Variants in BICC1 observed in about 807,000 individuals in gnomAD.
BICC1 encodes protein bicaudal C homolog 1.
Under a neutral mutation model 111.0 loss-of-function variants are expected in BICC1, and 43 were observed. The ratio of observed to expected loss-of-function variants is 0.39; its 90% CI spans 0.30 to 0.50. The LOEUF (loss-of-function observed/expected upper bound fraction) is 0.50, where lower values mean the gene tolerates loss of function less well. Ranked by LOEUF, BICC1 falls within the 20% of genes least tolerant of loss-of-function variation. The pLI, the probability that BICC1 is intolerant of heterozygous loss-of-function variation, is 0.88. For synonymous variants in BICC1, 467 were observed against 434.4 expected, an observed-to-expected ratio of 1.07 and a Z score of -0.93; for missense variants, 1,091 against 1,203.2, an observed-to-expected ratio of 0.91 and a Z score of 1.38.
At chr10:58,805,509 A>G (rs1356867142) in intron 15 of BICC1, among the ~76,000 whole-genome samples, 1 of 152,228 alleles carries the variant, frequency 6.6e-6, no homozygotes, top group Non-Finnish European at 1.5e-5. Flanking sequence ...ATGCCATTTT[A>G]GTCCTAGGAT....
chr10:58,688,775 A>C (rs1839827263), intron 2 of BICC1, among the ~76,000 whole-genome samples: 1 of 152,154 alleles, frequency 6.6e-6, no homozygotes, highest in South Asian at 2.1e-4. Context: ...GAAACTACAC[A>C]GGAACATAAA....
At chr10:58,677,935 C>A (rs1358996631) in intron 2 of BICC1, among the ~76,000 whole-genome samples, 1 of 152,098 alleles carries the variant, frequency 6.6e-6, no homozygotes, top group Non-Finnish European at 1.5e-5. Context: ...TCGTATCCAG[C>A]CAAACTAAGC....
Position 58,828,784 on chromosome 10 carries a change from CT to C in BICC1, c.2823del (p.Phe941LeufsTer44), listed in dbSNP as rs1844472392. ...ISELNKNRRK[L>X]FESPNARTSF... ...AGAACTAAATAAAAACCGAAGAAAG[CT>C]TTTTGAATCGCCAAATGCACGCACC... On this transcript the variant is annotated frameshift_variant, in exon 21 of 21. Transcript: ENST00000373886. LOFTEE classifies it high-confidence loss of function. The C allele has an allele frequency of 6.2e-7, 1 of 1,613,528 alleles. No homozygotes were observed. The highest frequency in any genetic ancestry group is 8.5e-7 in the Non-Finnish European group (1 of 1,179,738).
At chr10:58,729,562 C>T (rs1281192809) in intron 3 of BICC1, among the ~76,000 whole-genome samples, 1 of 152,140 alleles carries the variant, frequency 6.6e-6, no homozygotes, top group Non-Finnish European at 1.5e-5. Context: ...TAAAGAAATA[C>T]CTGAGACTGG....
intron 10 of BICC1, among the ~76,000 whole-genome samples, chr10:58,797,314 C>G (rs547394779): frequency 1.3e-5 from 2 of 152,198 alleles, no homozygotes; most frequent in Non-Finnish European, 2.9e-5. Flanking sequence ...AAAGAATACT[C>G]TCAGCAGTCT....
intron 3 of BICC1, among the ~76,000 whole-genome samples, chr10:58,755,451 A>G (rs987912533): frequency 7.2e-5 from 11 of 152,186 alleles, no homozygotes; most frequent in African/African-American, 2.7e-4. Flanking sequence ...GTTGGATTTC[A>G]CATTACAGTA....
At chr10:58,577,290 G>A (rs369152805) in intron 1 of BICC1, among the ~76,000 whole-genome samples, 20 of 152,280 alleles carry the variant, frequency 1.3e-4, no homozygotes, top group African/African-American at 4.8e-4. Flanking sequence ...ATTTGTTTAA[G>A]GGCACCAACT....
chr10:58,712,227 A>C (rs769913659), intron 3 of BICC1, among the ~76,000 whole-genome samples: 1 of 152,230 alleles, frequency 6.6e-6, no homozygotes, highest in East Asian at 1.9e-4. Flanking sequence ...GTGGAGCCAT[A>C]GGAACTCTCA....
intron 1 of BICC1, among the ~76,000 whole-genome samples, chr10:58,607,629 C>T (rs967082744): frequency 2.6e-5 from 4 of 152,088 alleles, no homozygotes; most frequent in African/African-American, 4.8e-5. Context: ...ACTTTCTTCT[C>T]TTTGTCATTT....
chr10:58,643,737 T>C (rs1484433302), intron 2 of BICC1, among the ~76,000 whole-genome samples: 1 of 152,180 alleles, frequency 6.6e-6, no homozygotes, highest in Admixed American at 6.5e-5. Context: ...CTGAGCTTCC[T>C]CCATGGCCAC....
rs545590029 is a variant in BICC1, at chr10:58,518,071, C to T, written c.190+4738C>T. 3.5e-3 allele frequency among the ~76,000 whole-genome samples: 537 copies of T among 152,198 alleles called. 4 individuals are homozygous for T. The highest frequency in any genetic ancestry group is 0.012 in the African/African-American group (505 of 41,522). On this transcript the variant is annotated intron_variant, in intron 1 of 20. Coordinates refer to ENST00000373886, the MANE Select transcript of BICC1 (RefSeq NM_001080512.3). ...GGGTGGGTAAATACTAAGTAAAGCTCCATTAGACATGAGTGTGGAGTTCTA... is the reference window on the plus strand; with the variant it reads ...GGGTGGGTAAATACTAAGTAAAGCTTCATTAGACATGAGTGTGGAGTTCTA...
At chr10:58,828,332 C>A (rs1469452571) in intron 20 of BICC1, among the ~76,000 whole-genome samples, 1 of 152,144 alleles carries the variant, frequency 6.6e-6, no homozygotes, top group East Asian at 1.9e-4. Flanking sequence ...AGTTCAGTAG[C>A]TGTAATAATT....
chr10:58,758,822 A>T (rs1842219768), intron 3 of BICC1, among the ~76,000 whole-genome samples: 1 of 152,152 alleles, frequency 6.6e-6, no homozygotes, highest in Non-Finnish European at 1.5e-5. Context: ...CAGAAAATGG[A>T]ATTAAAATTA....
intron 3 of BICC1, among the ~76,000 whole-genome samples, chr10:58,744,671 A>T (rs1242635721): frequency 8.3e-6 from 1 of 120,664 alleles, no homozygotes; most frequent in Non-Finnish European, 1.9e-5. Context: ...AACTTTTATG[A>T]TTTGACATCT....
chr10:58,583,863 G>A (rs1215490751), intron 1 of BICC1, among the ~76,000 whole-genome samples: 4 of 152,042 alleles, frequency 2.6e-5, no homozygotes, highest in Non-Finnish European at 5.9e-5. Context: ...TTTCTACAGT[G>A]GTAGTACTAG....
Position 58,513,315 on chromosome 10 carries a change from C to G in BICC1, c.172C>G (p.Leu58Val). ...GCGCTTCCGCGTGGACAGGAAGAAACTTGAGGCCATGTTACAAGGTAGGCA... is the reference window on the plus strand; with the variant it reads ...GCGCTTCCGCGTGGACAGGAAGAAAGTTGAGGCCATGTTACAAGGTAGGCA... ...EERFRVDRKK[L>V]EAMLQAAAEG... Residue 58 changes from leucine to valine, a missense_variant, in exon 1 of 21, where the codon CTT (leucine) becomes GTT (valine). Physicochemically the swap from Leu to Val is conservative, Grantham distance 32. Coordinates refer to ENST00000373886, the MANE Select transcript of BICC1 (RefSeq NM_001080512.3). 6.2e-7 allele frequency: 1 copy of G among 1,608,170 alleles called. No homozygotes were observed. Among genetic ancestry groups the G allele is most frequent in the Non-Finnish European group, 8.5e-7 (1 of 1,176,518 alleles).
chr10:58,623,676 A>G (rs1254399667), intron 2 of BICC1, among the ~76,000 whole-genome samples: 1 of 152,126 alleles, frequency 6.6e-6, no homozygotes, highest in Admixed American at 6.6e-5. Context: ...ACATATCTGG[A>G]TTGTCCCTAA....
chr10:58,575,917 A>C (rs1564494470), intron 1 of BICC1, among the ~76,000 whole-genome samples: 1 of 152,190 alleles, frequency 6.6e-6, no homozygotes, highest in African/African-American at 2.4e-5. Flanking sequence ...AGACATTTTC[A>C]TATCAGGTTT....
intron 3 of BICC1, among the ~76,000 whole-genome samples, chr10:58,709,909 T>C (rs1265931138): frequency 6.6e-6 from 1 of 152,200 alleles, no homozygotes; most frequent in African/African-American, 2.4e-5. Flanking sequence ...TCCGGTGCCA[T>C]TCTCAGTAAG....
Sources: gnomAD v4.1 joint callset for allele counts (sites outside exome capture counted in the v4.1 genomes callset) on GRCh38, gnomAD v4.1.1 for gene constraint, MANE v1.5 for transcripts, NCBI Gene and HGNC (gene_info 2026-07-23, HGNC 2026-07-21) for gene names.